The following TCF20 variants were observed in gnomAD, a reference collection of about 807,000 sequenced individuals.
The protein encoded by TCF20 is transcription factor 20.
A neutral mutation model predicts 148.6 loss-of-function variants in TCF20; 3 were observed. The observed-to-expected ratio is 0.02, with a 90% CI of 0.01 to 0.05. The LOEUF is 0.05. TCF20 is among the 10% of genes least tolerant of loss of function. The pLI, the probability that TCF20 is intolerant of heterozygous loss-of-function variation, is 1.00. For missense variants in TCF20, 2,350 were observed against 2,429.3 expected, an observed-to-expected ratio of 0.97 and a Z score of 0.69; for synonymous variants, 1,049 against 909.5, an observed-to-expected ratio of 1.15 and a Z score of -2.76.
intron 1 of TCF20, among the ~76,000 whole-genome samples, chr22:42,281,062 C>G (rs1432901798): frequency 1.3e-5 from 2 of 152,106 alleles, no homozygotes. Flanking sequence ...CCCACAGGAG[C>G]CTCCAGTCAT....
intron 1 of TCF20, among the ~76,000 whole-genome samples, chr22:42,291,549 C>A (rs753194527): frequency 1.3e-5 from 2 of 152,132 alleles, no homozygotes; most frequent in Admixed American, 1.3e-4. Context: ...GTGCTGGGAC[C>A]GCCTCTGGGA....
upstream of TCF20, among the ~76,000 whole-genome samples, chr22:42,288,509 C>T (rs1440638688): frequency 1.4e-5 from 2 of 141,444 alleles, no homozygotes; most frequent in Non-Finnish European, 3.0e-5. Context: ...GTACTCTAAC[C>T]TGGCAATAGA....
At chr22:42,254,013 T>G (rs1431490863) in intron 1 of TCF20, among the ~76,000 whole-genome samples, 1 of 143,988 alleles carries the variant, frequency 6.9e-6, no homozygotes, top group Non-Finnish European at 1.5e-5. Flanking sequence ...GAGGCGGAGG[T>G]TGCGGTGAGC....
At chr22:42,337,878 C>T (rs946962377) in intron 1 of TCF20, among the ~76,000 whole-genome samples, 1 of 152,198 alleles carries the variant, frequency 6.6e-6, no homozygotes, top group Non-Finnish European at 1.5e-5. Context: ...CTCATATTCA[C>T]ACCCTTCAGT....
intron 1 of TCF20, among the ~76,000 whole-genome samples, chr22:42,321,619 C>A (rs953601885): frequency 6.6e-6 from 1 of 151,808 alleles, no homozygotes; most frequent in Non-Finnish European, 1.5e-5. Flanking sequence ...TAGCAAATCG[C>A]TGGTTTGCTG....
chr22:42,257,833 G>C (rs1423303858), intron 1 of TCF20, among the ~76,000 whole-genome samples: 2 of 152,188 alleles, frequency 1.3e-5, no homozygotes, highest in African/African-American at 2.4e-5. Context: ...GGGGAGCCCA[G>C]CACGGAAGAG....
Position 42,212,091 on chromosome 22 carries a change from T to G in TCF20, c.3215A>C (p.Tyr1072Ser). ...AYHANTRAHAYGDPNAGLNSQ... is the reference protein window; with the variant it reads ...AYHANTRAHASGDPNAGLNSQ... ...ATTCAAACCTGCGTTAGGGTCCCCA[T>G]AAGCATGAGCCCGAGTATTTGCATG... Residue 1072 changes from tyrosine (Y) to serine (S), a missense_variant, in exon 2 of 6, where the codon TAT becomes TCT. Physicochemically the swap from Tyr to Ser is moderately radical, Grantham distance 144. Transcript: ENST00000677622. 1 of 1,614,118 alleles carries G rather than the reference T, an allele frequency of 6.2e-7. No individual in the cohort carries two copies. Among genetic ancestry groups the G allele is most frequent in the South Asian group, 1.1e-5 (1 of 91,082 alleles).
chr22:42,167,774 T>C (rs1935878241), intron 5 of TCF20, among the ~76,000 whole-genome samples: 1 of 152,108 alleles, frequency 6.6e-6, no homozygotes, highest in Non-Finnish European at 1.5e-5. Context: ...GGCTGGAATG[T>C]AGCGGCACGA....
intron 1 of TCF20, among the ~76,000 whole-genome samples, chr22:42,294,929 C>T (rs1927203686): frequency 6.6e-6 from 1 of 152,180 alleles, no homozygotes; most frequent in Admixed American, 6.5e-5. Flanking sequence ...TGCTTGATGG[C>T]TTCTGTGCAG....
intron 1 of TCF20, 196 bp from the exon 2 acceptor site, chr22:42,215,537 C>T (rs931749697): frequency 1.5e-6 from 1 of 648,642 alleles, no homozygotes; most frequent in Non-Finnish European, 2.4e-6. Flanking sequence ...ATTGCACGAT[C>T]TCAGCTCAAT....
intron 1 of TCF20, among the ~76,000 whole-genome samples, chr22:42,309,486 CCTT>C (rs1927493882): frequency 6.6e-6 from 1 of 152,046 alleles, no homozygotes; most frequent in African/African-American, 2.4e-5. Context: ...CCAGCCTCCT[CCTT>C]TACTGCTCCC....
chr22:42,179,490 C>CAAAAGAAAAA (rs1936654917), intron 3 of TCF20, 119 bp downstream of exon 3: 1 of 341,486 alleles, frequency 2.9e-6, no homozygotes, highest in Non-Finnish European at 4.9e-6. Flanking sequence ...TATGAAGTGA[C>CAAAAGAAAAA]AAAAAAAAAA....
At chr22:42,302,318 T>C (rs1601699219) in intron 1 of TCF20, among the ~76,000 whole-genome samples, 1 of 151,982 alleles carries the variant, frequency 6.6e-6, no homozygotes, top group East Asian at 1.9e-4. Context: ...ACGGTCTCTG[T>C]GGGGACCCAT....
chr22:42,278,372 C>G (rs1926827670), intron 1 of TCF20: 1 of 152,248 alleles, frequency 6.6e-6, no homozygotes, highest in Non-Finnish European at 1.5e-5. Flanking sequence ...AAAACTGAGA[C>G]TAGGACCTAA....
At chr22:42,323,584 T>C (rs1927774476) in intron 1 of TCF20, among the ~76,000 whole-genome samples, 1 of 151,514 alleles carries the variant, frequency 6.6e-6, no homozygotes, top group African/African-American at 2.4e-5. Context: ...CAGGAGGGGA[T>C]ATAGCAAATG....
chr22:42,243,837 T>A (rs1272400408), intron 1 of TCF20, among the ~76,000 whole-genome samples: 1 of 152,116 alleles, frequency 6.6e-6, no homozygotes, highest in East Asian at 1.9e-4. Context: ...AAAGTTAATG[T>A]ATCAGGAAAA....
intron 1 of TCF20, among the ~76,000 whole-genome samples, chr22:42,260,786 A>G (rs1186216744): frequency 6.6e-6 from 1 of 152,154 alleles, no homozygotes; most frequent in Non-Finnish European, 1.5e-5. Context: ...GACTGGCCCA[A>G]ACTTATGTTT....
intron 1 of TCF20, among the ~76,000 whole-genome samples, chr22:42,226,259 A>G (rs1020448199): frequency 2.0e-5 from 3 of 152,196 alleles, no homozygotes; most frequent in African/African-American, 7.2e-5. Context: ...TTAAATGCTG[A>G]GCGTAGGGGC....
intron 3 of TCF20, among the ~76,000 whole-genome samples, chr22:42,178,933 T>C (rs1936605407): frequency 6.7e-6 from 1 of 149,766 alleles, no homozygotes; most frequent in Non-Finnish European, 1.5e-5. Context: ...GATGTACAAA[T>C]GGCCAATAGG....
Sources: gnomAD v4.1 joint callset for allele counts (sites outside exome capture counted in the v4.1 genomes callset) on GRCh38, gnomAD v4.1.1 for gene constraint, MANE v1.5 for transcripts, NCBI Gene and HGNC (gene_info 2026-07-23, HGNC 2026-07-21) for gene names.